The following CFAP299 variants were observed in gnomAD, a reference collection of about 807,000 sequenced individuals.
CFAP299 encodes the protein cilia and flagella associated protein 299.
CFAP299 carries 21 observed loss-of-function variants against 27.0 expected under a neutral mutation model. That is an observed-to-expected ratio of 0.78 (90% CI 0.55 to 1.12). CFAP299 has a LOEUF of 1.12. Among genes scored for constraint, CFAP299 ranks in the 50% most tolerant of loss-of-function variants. The pLI, the probability that CFAP299 is intolerant of heterozygous loss-of-function variation, is 0.00. For synonymous variants in CFAP299, 104 were observed against 98.1 expected (o/e 1.06, Z -0.36); for missense variants, 310 against 276.6 (o/e 1.12, Z -0.86).
intron 4 of CFAP299, among the ~76,000 whole-genome samples, chr4:80,890,189 A>G (rs1258776853): frequency 1.3e-5 from 2 of 152,138 alleles, no homozygotes; most frequent in Admixed American, 1.3e-4. Flanking sequence ...AAGTCAAATT[A>G]TCTTTGTTGG....
chr4:80,373,660 G>A (rs987459740), intron 2 of CFAP299, among the ~76,000 whole-genome samples: 3 of 152,166 alleles, frequency 2.0e-5, no homozygotes, highest in African/African-American at 4.8e-5. Flanking sequence ...AGTGCCCTTG[G>A]TGGTCATTGG....
chr4:80,843,583 G>A (rs905364503), intron 3 of CFAP299, among the ~76,000 whole-genome samples: 8 of 151,844 alleles, frequency 5.3e-5, no homozygotes, highest in African/African-American at 1.9e-4. Flanking sequence ...ATAATCCTTT[G>A]GGTATATACC....
rs1435736942 is a variant in CFAP299, at chr4:80,916,281, A to G, written c.477-28529A>G. 6.1e-5 allele frequency among the ~76,000 whole-genome samples: 7 copies of G among 114,276 alleles called. 1 individual carries two copies. The highest frequency in any genetic ancestry group is 2.9e-4 in the African/African-American group (7 of 24,164). 75.0% of individuals were successfully genotyped at this position (114,276 alleles called of 152,430 possible). The stretch of plus-strand genomic sequence containing the variant: ...TATATATATATATATATATATATAT[A>G]TATATATATATATATTTCAGGTACA... On this transcript the variant is annotated intron_variant, in intron 4 of 5. Transcript: ENST00000358105.
intron 2 of CFAP299, among the ~76,000 whole-genome samples, chr4:80,557,333 C>T (rs1734827841): frequency 6.6e-6 from 1 of 152,048 alleles, no homozygotes; most frequent in East Asian, 1.9e-4. Flanking sequence ...TGATAATCAC[C>T]TTCTCCTGAG....
chr4:80,783,168 C>T (rs901488726), intron 3 of CFAP299, among the ~76,000 whole-genome samples: 8 of 152,146 alleles, frequency 5.3e-5, no homozygotes, highest in African/African-American at 1.9e-4. Context: ...GAAGGCTTGA[C>T]TGAGACTCTA....
At chr4:80,634,209 C>A (rs1429957502) in intron 3 of CFAP299, among the ~76,000 whole-genome samples, 1 of 152,060 alleles carries the variant, frequency 6.6e-6, no homozygotes, top group South Asian at 2.1e-4. Context: ...GTCTTGAACT[C>A]CTGACCTCAT....
chr4:80,661,880 G>A (rs933365857), intron 3 of CFAP299, among the ~76,000 whole-genome samples: 8 of 152,162 alleles, frequency 5.3e-5, no homozygotes, highest in African/African-American at 1.9e-4. Context: ...GGAGGCCTCT[G>A]AAATGGCCGC....
At chr4:80,469,515 A>G (rs956190948) in intron 2 of CFAP299, among the ~76,000 whole-genome samples, 1 of 152,196 alleles carries the variant, frequency 6.6e-6, no homozygotes, top group Non-Finnish European at 1.5e-5. Context: ...ATGCATTAGT[A>G]TGAATATAAT....
intron 2 of CFAP299, among the ~76,000 whole-genome samples, chr4:80,450,385 G>C (rs1311711389): frequency 6.6e-6 from 1 of 152,146 alleles, no homozygotes; most frequent in East Asian, 1.9e-4. Flanking sequence ...TGACTCCACA[G>C]AAGTAATAAC....
intron 4 of CFAP299, among the ~76,000 whole-genome samples, chr4:80,908,967 A>T (rs1735324513): frequency 6.6e-6 from 1 of 152,140 alleles, no homozygotes; most frequent in Non-Finnish European, 1.5e-5. Context: ...ACTCTCAGAT[A>T]ATGAGAGACA....
At position 80,664,641 on chromosome 4, in the gene CFAP299, G is replaced by A. The variant is rs534166132; in HGVS notation, c.333+81458G>A. Among the ~76,000 whole-genome samples the A allele has an allele frequency of 5.6e-4, 85 of 152,268 alleles. 1 individual carries two copies. Among genetic ancestry groups the A allele is most frequent in the African/African-American group, 1.9e-3 (78 of 41,546 alleles). ...GCTGTGCTGGCAGCAAGAGTTTCAA[G>A]CCAGTGGATCTTAGCTTGCTGGGCT... is the stretch of plus-strand genomic sequence containing the variant. On this transcript the variant is annotated intron_variant, in intron 3 of 5. Coordinates refer to ENST00000358105, the MANE Select transcript of CFAP299 (RefSeq NM_152770.3).
chr4:80,864,908 A>G (rs1402113658), intron 3 of CFAP299, among the ~76,000 whole-genome samples: 1 of 152,186 alleles, frequency 6.6e-6, no homozygotes, highest in Non-Finnish European at 1.5e-5. Context: ...ATTTTATTAT[A>G]GAGGAAACTA....
chr4:80,556,248 A>G (rs76494564), intron 2 of CFAP299, among the ~76,000 whole-genome samples: 6,080 of 152,078 alleles, frequency 0.04, 360 homozygotes, highest in African/African-American at 0.13. Flanking sequence ...CCTTTTCGTG[A>G]ACTCCTCCAA....
At chr4:80,824,164 C>T (rs1729856864) in intron 3 of CFAP299, among the ~76,000 whole-genome samples, 1 of 152,064 alleles carries the variant, frequency 6.6e-6, no homozygotes, top group Non-Finnish European at 1.5e-5. Flanking sequence ...ATCACATTGG[C>T]AGATTGGTTT....
intron 2 of CFAP299, among the ~76,000 whole-genome samples, chr4:80,383,848 T>G (rs936439769): frequency 2.8e-5 from 3 of 107,032 alleles, no homozygotes; most frequent in Non-Finnish European, 4.5e-5. Context: ...TATCTATCTG[T>G]TTTTTTTTGT....
At chr4:80,387,833 G>A in intron 2 of CFAP299, 2 of 1,464,660 alleles carry the variant, frequency 1.4e-6, no homozygotes, top group Admixed American at 1.7e-5. Flanking sequence ...GCTTCCAGGA[G>A]TCCCCTGGTA....
At chr4:80,769,491 T>G (rs1274077781) in intron 3 of CFAP299, among the ~76,000 whole-genome samples, 1 of 152,166 alleles carries the variant, frequency 6.6e-6, no homozygotes, top group Non-Finnish European at 1.5e-5. Flanking sequence ...ACCTCCTGGC[T>G]CAGGTGATCC....
At chr4:80,378,331 G>A (rs1724526129) in intron 2 of CFAP299, among the ~76,000 whole-genome samples, 1 of 151,712 alleles carries the variant, frequency 6.6e-6, no homozygotes, top group South Asian at 2.1e-4. Context: ...TTTTTTGTGT[G>A]GTTTTGTATG....
chr4:80,587,646 G>A (rs28494703), intron 3 of CFAP299, among the ~76,000 whole-genome samples: 13,739 of 151,996 alleles, frequency 0.09, 686 homozygotes, highest in Middle Eastern at 0.21. Flanking sequence ...AGGTTGGAGC[G>A]CAGTGGTACC....
Sources: allele counts gnomAD v4.1 joint callset (sites outside exome capture counted in the v4.1 genomes callset), GRCh38; gene constraint gnomAD v4.1.1; transcripts MANE v1.5; gene names NCBI Gene and HGNC (gene_info 2026-07-23, HGNC 2026-07-21).